The following ZNF805 variants were observed in gnomAD, a reference collection of about 807,000 sequenced individuals.
ZNF805 encodes the protein CTC-444N24.8.
A neutral mutation model predicts 13.6 loss-of-function variants in ZNF805; 7 were observed. The observed-to-expected ratio is 0.51, with a 90% CI of 0.29 to 0.97. The LOEUF is 0.97. Ranked by LOEUF, ZNF805 falls within the 50% of genes least tolerant of loss-of-function variation. The pLI, the probability that ZNF805 is intolerant of heterozygous loss-of-function variation, is 0.08. For synonymous variants in ZNF805, 293 were observed against 279.8 expected, an observed-to-expected ratio of 1.05 and a Z score of -0.47; for missense variants, 604 against 771.0, an observed-to-expected ratio of 0.78 and a Z score of 2.57.
intron 1 of ZNF805, among the ~76,000 whole-genome samples, chr19:57,243,385 T>G (rs553818291): frequency 1.3e-5 from 2 of 152,294 alleles, no homozygotes; most frequent in South Asian, 4.1e-4. Flanking sequence ...GAATAACTCA[T>G]GTCTGTTATT....
chr19:57,254,747 A>T lies in ZNF805; in HGVS notation c.*44A>T. On this transcript the variant is annotated 3_prime_UTR_variant, in exon 4 of 4. Coordinates refer to ENST00000414468, the MANE Select transcript of ZNF805 (RefSeq NM_001023563.4). ...AATGTCATTTGTCACCTAAGGAGTC[A>T]TATTAGAAAATCACGCAGCTTAGAG... 6.5e-7 allele frequency: 1 copy of T among 1,544,036 alleles called. No homozygotes were observed.
At chr19:57,244,685 C>T (rs570492278) in intron 2 of ZNF805, among the ~76,000 whole-genome samples, 113 of 152,236 alleles carry the variant, frequency 7.4e-4, no homozygotes, top group Middle Eastern at 3.4e-3. Context: ...GAACTGAGAA[C>T]CGCCACGATG....
Position 57,243,954 on chromosome 19 carries a change from C to G in ZNF805, c.62C>G (p.Thr21Ser), listed in dbSNP as rs780684700. ...GTGACCTTTGATGATGTGGCTGTGA[C>G]TTTCACCCAGGAGGAGTGGGGCCAG... ...VSVTFDDVAV[T>S]FTQEEWGQLD... is the part of the protein sequence containing the mutation. Residue 21 changes from threonine to serine, a missense_variant, in exon 2 of 4, where the codon ACT becomes AGT. Around this residue, in one of 3 missense-constraint regions of ZNF805, gnomAD observed 327 missense variants for 378.2 expected, o/e 0.86. Transcript: ENST00000414468. The G allele has an allele frequency of 2.8e-5, 45 of 1,614,050 alleles. No individual in the cohort carries two copies. The highest frequency in any genetic ancestry group is 3.6e-5 in the Non-Finnish European group (43 of 1,180,040).
At chr19:57,243,814 C>A in intron 1 of ZNF805, 109 bp from the exon 2 acceptor site, 3 of 1,475,578 alleles carry the variant, frequency 2.0e-6, no homozygotes, top group Non-Finnish European at 1.9e-6. Context: ...CAAAGTTAGG[C>A]CCTCAGGAGG....
rs1370496254 is a variant in ZNF805 at position 57,257,567 on chromosome 19, AC to A, written c.*2865del. Among the ~76,000 whole-genome samples, 4 of 152,052 alleles carry A rather than the reference AC, an allele frequency of 2.6e-5. No individual in the cohort carries two copies. The highest frequency in any genetic ancestry group is 6.6e-5 in the Admixed American group (1 of 15,260). ...ATCTGATATTTGTGTGGTCAGTCTT[AC>A]GTTTTGGTTAATGCTTGCATGATTT... is the stretch of plus-strand genomic sequence containing the variant. On this transcript the variant is annotated 3_prime_UTR_variant, in exon 4 of 4. Coordinates refer to ENST00000414468, the MANE Select transcript of ZNF805 (RefSeq NM_001023563.4).
chr19:57,240,896 C>T lies in ZNF805; in HGVS notation c.5C>T (p.Ala2Val). The change falls in exon 1 of 4, where the codon GCG becomes GTG. Residue 2 changes from alanine (A) to valine (V), a missense_variant. Transcript: ENST00000414468. ...CTAGGGCCACAGGGTCCCGGTATGG[C>T]GATGGCTTTGACGGACCCGGCGCAG... is the stretch of plus-strand genomic sequence containing the variant. The part of the protein sequence containing the change: M[A>V]MALTDPAQVS... 6.4e-7 allele frequency: 1 copy of T among 1,555,734 alleles called. No individual in the cohort carries two copies. Among genetic ancestry groups the T allele is most frequent in the Non-Finnish European group, 8.7e-7 (1 of 1,149,824 alleles).
Position 57,243,929 on chromosome 19 carries a change from G to A in ZNF805, c.37G>A (p.Val13Met). ...MALTDPAQVS[V>M]TFDDVAVTFT... The stretch of plus-strand genomic sequence containing the variant: ...CCTCTATTTGACATTTCAGGTGTCT[G>A]TGACCTTTGATGATGTGGCTGTGAC... Residue 13 changes from valine to methionine, a missense_variant, in exon 2 of 4, where the codon GTG becomes ATG. Val to Met is a conservative substitution (Grantham distance 21). Transcript: ENST00000414468. 1 of 1,614,172 alleles carries A rather than the reference G, an allele frequency of 6.2e-7. No individual in the cohort carries two copies. The highest frequency in any genetic ancestry group is 8.5e-7 in the Non-Finnish European group (1 of 1,180,036).
intron 1 of ZNF805, among the ~76,000 whole-genome samples, chr19:57,241,696 G>T (rs923217591): frequency 1.1e-5 from 1 of 94,904 alleles, no homozygotes; most frequent in African/African-American, 3.4e-5. Context: ...TTCCTCCCTG[G>T]CTCAGCCCTT....
intron 2 of ZNF805, among the ~76,000 whole-genome samples, chr19:57,248,209 TA>T (rs796135894): frequency 0.062 from 8,534 of 137,434 alleles, 544 homozygotes; most frequent in African/African-American, 0.18. Flanking sequence ...CTTAGGATGT[TA>T]AAAAAAAAAA....
At position 57,253,656 on chromosome 19, in the gene ZNF805, G is replaced by A; in HGVS notation, c.837G>A (p.Arg279=). Residue 279 remains arginine, a synonymous_variant, in exon 4 of 4, where the codon CGG becomes CGA. Coordinates refer to ENST00000414468, the MANE Select transcript of ZNF805 (RefSeq NM_001023563.4). This position sits in a 1 kb window ranked among gnomAD's most constrained non-coding sequence, Gnocchi z 4.4. ...AGTCACACCTTACCCAGCACCAGCGGATTCACAGTGGAGAGAAGCCTTATA... is the reference window on the plus strand; with the variant it reads ...AGTCACACCTTACCCAGCACCAGCGAATTCACAGTGGAGAGAAGCCTTATA... ...NRKSHLTQHQ[R]IHSGEKPYKC... 1.2e-6 allele frequency: 2 copies of A among 1,614,040 alleles called. No homozygotes were observed. The highest frequency in any genetic ancestry group is 2.2e-5 in the East Asian group (1 of 44,854).
In ZNF805 at chr19:57,253,667, G is replaced by A. The variant is rs916845870; in HGVS notation, c.848G>A (p.Gly283Glu). ...ACCCAGCACCAGCGGATTCACAGTG[G>A]AGAGAAGCCTTATAAGTGCAGTGAA... ...HLTQHQRIHS[G>E]EKPYKCSECG... Residue 283 changes from glycine to glutamate, a missense_variant, in exon 4 of 4, where the codon GGA becomes GAA. Physicochemically the swap from Gly to Glu is moderately conservative, Grantham distance 98. Transcript: ENST00000414468. The surrounding 1 kb of genome is among the most constrained non-coding windows in gnomAD (Gnocchi z 4.4). The A allele has an allele frequency of 4.3e-6, 7 of 1,614,012 alleles. No homozygotes were observed. Among genetic ancestry groups the A allele is most frequent in the Non-Finnish European group, 5.9e-6 (7 of 1,180,006 alleles).
rs73064849 is a variant in ZNF805, at chr19:57,258,786, T to C, written c.*4083T>C. Among the ~76,000 whole-genome samples the C allele has an allele frequency of 0.012, 1,878 of 152,332 alleles. 15 individuals are homozygous for C. Among genetic ancestry groups the C allele is most frequent in the Non-Finnish European group, 0.018 (1,196 of 68,032 alleles). ...GTTGATCTCTTTACCCATTCCACTA[T>C]TCTTTCTTGAAATTCTAAGCCACCT... On this transcript the variant is annotated 3_prime_UTR_variant, in exon 4 of 4. Coordinates refer to ENST00000414468, the MANE Select transcript of ZNF805 (RefSeq NM_001023563.4).
rs2087662261 is a variant in ZNF805, at chr19:57,253,208, G to A, written c.389G>A (p.Gly130Glu). The A allele has an allele frequency of 5.1e-6, 8 of 1,561,370 alleles. No homozygotes were observed. The South Asian group carries it at 9.5e-5, about 18-fold the overall frequency. Reference protein sequence around the residue: ...SQLGQPKDQDGFSEMQGERLR... With the variant: ...SQLGQPKDQDEFSEMQGERLR... ...TTGGGGCAACCCAAGGATCAGGATG[G>A]GTTTTCAGAAATGCAGGGAGAACGC... Residue 130 changes from glycine (G) to glutamate (E), a missense_variant, in exon 4 of 4, where the codon GGG becomes GAG. Coordinates refer to ENST00000414468, the MANE Select transcript of ZNF805 (RefSeq NM_001023563.4). This position sits in a 1 kb window ranked among gnomAD's most constrained non-coding sequence, Gnocchi z 4.4.
intron 2 of ZNF805, among the ~76,000 whole-genome samples, chr19:57,246,276 C>T (rs568275212): frequency 6.6e-6 from 1 of 152,136 alleles, no homozygotes; most frequent in East Asian, 1.9e-4. Context: ...TGGATTCAAG[C>T]ATTTCTCATG....
At position 57,257,362 on chromosome 19, in the gene ZNF805, G is replaced by A. The variant is rs946127473; in HGVS notation, c.*2659G>A. Reference sequence around the variant, plus strand: ...CAAGAGAAGGATGTTGAAGTCCTGAGCTATAATTGTGGAATTACCTATTCC... The same window carrying A: ...CAAGAGAAGGATGTTGAAGTCCTGAACTATAATTGTGGAATTACCTATTCC... On this transcript the variant is annotated 3_prime_UTR_variant, in exon 4 of 4. Transcript: ENST00000414468. Among the ~76,000 whole-genome samples the A allele has an allele frequency of 3.3e-5, 5 of 152,150 alleles. No homozygotes were observed. The highest frequency in any genetic ancestry group is 1.2e-4 in the African/African-American group (5 of 41,442).
chr19:57,245,507 C>T (rs1022803540), intron 2 of ZNF805, among the ~76,000 whole-genome samples: 8 of 152,136 alleles, frequency 5.3e-5, no homozygotes, highest in African/African-American at 9.7e-5. Context: ...GGGCCAGGTG[C>T]GATAGCTCAT....
chr19:57,249,438 T>C (rs1032287761), intron 3 of ZNF805, among the ~76,000 whole-genome samples: 4 of 152,252 alleles, frequency 2.6e-5, no homozygotes, highest in African/African-American at 9.6e-5. Flanking sequence ...ACATTATTTT[T>C]ATGCCATTGG....
In ZNF805 at chr19:57,254,687, A is replaced by G. The variant is rs1260619909; in HGVS notation, c.1868A>G (p.Gln623Arg). ...SDRTYQRETP[Q>R]VSSL ...CGTACATACCAAAGAGAAACCCCACAAGTGTCTTCACTGTGAGAAAACCTT... is the reference window on the plus strand; with the variant it reads ...CGTACATACCAAAGAGAAACCCCACGAGTGTCTTCACTGTGAGAAAACCTT... Residue 623 changes from glutamine to arginine, a missense_variant, in exon 4 of 4, where the codon CAA becomes CGA. Gln to Arg is a conservative substitution (Grantham distance 43). Transcript: ENST00000414468. 4 of 1,609,916 alleles carry G rather than the reference A, an allele frequency of 2.5e-6. No homozygotes were observed. The highest frequency in any genetic ancestry group is 2.2e-5 in the East Asian group (1 of 44,890).
Position 57,259,456 on chromosome 19 carries a change from G to C in ZNF805, c.*4753G>C, listed in dbSNP as rs367958116. Among the ~76,000 whole-genome samples, 1 of 151,032 alleles carries C rather than the reference G, an allele frequency of 6.6e-6. No individual in the cohort carries two copies. Among genetic ancestry groups the C allele is most frequent in the Non-Finnish European group, 1.5e-5 (1 of 67,764 alleles). The stretch of plus-strand genomic sequence containing the variant: ...TGTTGAGCTTGTCCAATGAGTTTTC[G>C]TTTTGGTTTTTGTATTTTTCAGTTG... On this transcript the variant is annotated 3_prime_UTR_variant, in exon 4 of 4. Coordinates refer to ENST00000414468, the MANE Select transcript of ZNF805 (RefSeq NM_001023563.4).
Sources: gnomAD v4.1 joint callset for allele counts (sites outside exome capture counted in the v4.1 genomes callset) on GRCh38, gnomAD v4.1.1 for gene constraint, gnomAD v4.1.1 regional missense constraint, Gnocchi (gnomAD v3.1) non-coding constraint, MANE v1.5 for transcripts, NCBI Gene and HGNC (gene_info 2026-07-23, HGNC 2026-07-21) for gene names.